GLCCI1: variants seen among roughly 807,000 people sequenced by gnomAD.
The protein encoded by GLCCI1 is glucocorticoid-induced transcript 1 protein.
GLCCI1 carries 24 observed loss-of-function variants against 52.2 expected under a neutral mutation model. The ratio of observed to expected loss-of-function variants is 0.46; its 90% CI spans 0.33 to 0.65. The LOEUF is 0.65. Ranked by LOEUF, GLCCI1 falls within the 30% of genes least tolerant of loss-of-function variation. The pLI, the probability that GLCCI1 is intolerant of heterozygous loss-of-function variation, is 0.02. For synonymous variants in GLCCI1, 310 were observed against 276.5 expected (o/e 1.12, Z -1.20); for missense variants, 704 against 701.5 (o/e 1.00, Z -0.04).
intron 4 of GLCCI1, among the ~76,000 whole-genome samples, chr7:8,055,972 G>A (rs1486886922): frequency 7.1e-5 from 10 of 141,596 alleles, no homozygotes; most frequent in South Asian, 6.7e-4. Context: ...CAGCCTGGGC[G>A]ACAGAGCGAG....
At chr7:8,060,701 A>T (rs576511083) in intron 5 of GLCCI1, among the ~76,000 whole-genome samples, 1 of 152,084 alleles carries the variant, frequency 6.6e-6, no homozygotes, top group Non-Finnish European at 1.5e-5. Context: ...AGTTATATGG[A>T]TTTTATTTAT....
intron 3 of GLCCI1, 47 bp downstream of exon 3, chr7:8,022,616 G>T (rs200124235): frequency 2.8e-5 from 33 of 1,184,834 alleles, no homozygotes; most frequent in African/African-American, 3.2e-5. Context: ...GGTCCTAGTA[G>T]ATTACCTTAG....
At chr7:8,047,177 T>C (rs978124732) in intron 3 of GLCCI1, among the ~76,000 whole-genome samples, 3 of 152,208 alleles carry the variant, frequency 2.0e-5, no homozygotes, top group Non-Finnish European at 2.9e-5. Flanking sequence ...TACAATGAAG[T>C]TGTGACCATG....
chr7:8,061,789 C>A (rs1036716038), intron 5 of GLCCI1, among the ~76,000 whole-genome samples: 1 of 150,994 alleles, frequency 6.6e-6, no homozygotes. Context: ...GCCTCAGCCT[C>A]CTGAGTAGCT....
chr7:8,073,831 T>C (rs1373057373), intron 6 of GLCCI1, among the ~76,000 whole-genome samples: 2 of 152,192 alleles, frequency 1.3e-5, no homozygotes, highest in African/African-American at 4.8e-5. Flanking sequence ...ATGACATCAG[T>C]TTCATAATAT....
At chr7:7,972,321 GTA>G (rs1014135816) in intron 1 of GLCCI1, among the ~76,000 whole-genome samples, 10 of 150,396 alleles carry the variant, frequency 6.6e-5, no homozygotes, top group African/African-American at 1.5e-4. Flanking sequence ...ACACTTCAGT[GTA>G]TGTGTGTGTG....
In GLCCI1 at chr7:8,001,787, G is replaced by A. The variant is rs1045512854; in HGVS notation, c.458-2121G>A. On this transcript the variant is annotated intron_variant, in intron 1 of 7. Transcript: ENST00000223145. ...ACTATGCAGCCATAAAAAAGAATGA[G>A]TTCATGACCTTTGCAAGGATGTGGA... Among the ~76,000 whole-genome samples, 5 of 152,182 alleles carry A rather than the reference G, an allele frequency of 3.3e-5. No individual in the cohort carries two copies. The South Asian group carries it at 8.3e-4, about 25-fold the overall frequency.
chr7:8,058,315 A>T (rs1782443101), intron 4 of GLCCI1, among the ~76,000 whole-genome samples: 1 of 152,204 alleles, frequency 6.6e-6, no homozygotes. Context: ...GTATTTTTCA[A>T]ATAGCAATTT....
At chr7:8,078,095 G>T (rs989204626) in intron 6 of GLCCI1, among the ~76,000 whole-genome samples, 16 of 151,764 alleles carry the variant, frequency 1.1e-4, no homozygotes, top group Admixed American at 5.9e-4. Context: ...TGAGCCGGGC[G>T]TGGTGGCGGG....
chr7:7,997,999 T>A (rs1780969733), intron 1 of GLCCI1, among the ~76,000 whole-genome samples: 1 of 151,650 alleles, frequency 6.6e-6, no homozygotes, highest in Admixed American at 6.6e-5. Context: ...ATATTATAGC[T>A]AGTTTATAAA....
At chr7:7,986,193 G>A (rs375071572) in intron 1 of GLCCI1, among the ~76,000 whole-genome samples, 2 of 152,124 alleles carry the variant, frequency 1.3e-5, no homozygotes, top group African/African-American at 2.4e-5. Flanking sequence ...ACAGGAATTC[G>A]TATTCAATTT....
At position 8,071,145 on chromosome 7, in the gene GLCCI1, T is replaced by G. The variant is rs1562450079; in HGVS notation, c.1177+14T>G. 1.2e-6 allele frequency: 2 copies of G among 1,607,228 alleles called. No homozygotes were observed. The highest frequency in any genetic ancestry group is 1.7e-6 in the Non-Finnish European group (2 of 1,173,852). ...ATCGTGATAAAGGTAAGAATGGAAT[T>G]GTCCACTTAGAGGGTTTGTTATGGG... On this transcript the variant is annotated intron_variant, in intron 6 of 7. Transcript: ENST00000223145.
chr7:8,026,612 T>C (rs150807721), intron 3 of GLCCI1, among the ~76,000 whole-genome samples: 5 of 152,328 alleles, frequency 3.3e-5, no homozygotes, highest in Non-Finnish European at 7.3e-5. Context: ...TCTGTGCACT[T>C]TGGGGAAGAA....
At chr7:7,985,771 CATATA>C (rs1007238331) in intron 1 of GLCCI1, among the ~76,000 whole-genome samples, 1 of 152,144 alleles carries the variant, frequency 6.6e-6, no homozygotes, top group East Asian at 1.9e-4. Context: ...TCTTCTGAAT[CATATA>C]ATATAGTTTT....
At chr7:8,065,099 C>T (rs924334769) in intron 5 of GLCCI1, among the ~76,000 whole-genome samples, 1 of 152,158 alleles carries the variant, frequency 6.6e-6, no homozygotes, top group Non-Finnish European at 1.5e-5. Flanking sequence ...TTTCTAATTT[C>T]ATTGAGCAGT....
Position 8,087,575 on chromosome 7 carries a change from T to TGA in GLCCI1, c.*1037_*1038insGA. 6.6e-6 allele frequency: 1 copy of TGA among 152,564 alleles called. No individual in the cohort carries two copies. Among genetic ancestry groups the TGA allele is most frequent in the Non-Finnish European group, 1.5e-5 (1 of 68,034 alleles). The allele number at this position is 152,564 out of a possible 1,614,324, so 9.5% of individuals were successfully genotyped here. ...CAGGGTCATAACTGTTACCATTTTA[T>TGA]CTAAAGACATATTTATATTTAGTTT... On this transcript the variant is annotated 3_prime_UTR_variant, in exon 8 of 8. Transcript: ENST00000223145.
At chr7:8,056,058 G>A (rs1390509583) in intron 4 of GLCCI1, among the ~76,000 whole-genome samples, 2 of 151,082 alleles carry the variant, frequency 1.3e-5, no homozygotes, top group Non-Finnish European at 2.9e-5. Context: ...AGCACTTTGG[G>A]AGGCCAAGGC....
intron 4 of GLCCI1, among the ~76,000 whole-genome samples, chr7:8,056,647 G>A (rs1782404628): frequency 6.6e-6 from 1 of 151,992 alleles, no homozygotes; most frequent in African/African-American, 2.4e-5. Context: ...TTCAACATTG[G>A]GAAATATGTT....
At chr7:8,062,396 C>T (rs1197315373) in intron 5 of GLCCI1, among the ~76,000 whole-genome samples, 1 of 152,140 alleles carries the variant, frequency 6.6e-6, no homozygotes. Context: ...TAAAAATTAT[C>T]TTTAGAGTAG....
Sources: gnomAD v4.1 joint callset for allele counts (sites outside exome capture counted in the v4.1 genomes callset) on GRCh38, gnomAD v4.1.1 for gene constraint, MANE v1.5 for transcripts, NCBI Gene and HGNC (gene_info 2026-07-23, HGNC 2026-07-21) for gene names.